Variants in CIT observed in about 807,000 individuals in gnomAD.
CIT encodes the protein citron Rho-interacting kinase.
A neutral mutation model predicts 272.7 loss-of-function variants in CIT; 79 were observed. The ratio of observed to expected loss-of-function variants is 0.29; its 90% confidence interval spans 0.24 to 0.35. CIT has a LOEUF of 0.35. Ranked by LOEUF, CIT falls within the 10% of genes least tolerant of loss-of-function variation. CIT has a pLI of 1.00. For synonymous variants in CIT, 948 were observed against 995.6 expected (o/e 0.95, Z 0.90); for missense variants, 1,909 against 2,618.3 (o/e 0.73, Z 5.91).
intron 5 of CIT, among the ~76,000 whole-genome samples, chr12:119,845,577 T>C (rs1969736031): frequency 6.8e-6 from 1 of 146,110 alleles, no homozygotes; most frequent in Non-Finnish European, 1.5e-5. Context: ...TGCTTGAACC[T>C]AGGAGGTGGA....
At chr12:119,838,599 C>A (rs937227659) in intron 5 of CIT, among the ~76,000 whole-genome samples, 1 of 152,150 alleles carries the variant, frequency 6.6e-6, no homozygotes, top group African/African-American at 2.4e-5. Context: ...GGCTGTGGAA[C>A]CAATATGGCT....
At position 119,819,485 on chromosome 12, in the gene CIT, T is replaced by C. The variant is rs75620130; in HGVS notation, c.1111+3335A>G. ...ACCTTTCTTAAATTGCATTTATATA[T>C]CCTGCCAGGACCACCTCTTGAGATA... On this transcript the variant is annotated intron_variant, in intron 9 of 47. Transcript: ENST00000392521. Among the ~76,000 whole-genome samples the C allele has an allele frequency of 4.3e-3, 659 of 152,342 alleles. 5 individuals are homozygous for C. Among genetic ancestry groups the C allele is most frequent in the African/African-American group, 0.015 (633 of 41,578 alleles).
intron 4 of CIT, among the ~76,000 whole-genome samples, chr12:119,850,931 C>G (rs1483033263): frequency 6.6e-6 from 1 of 152,118 alleles, no homozygotes; most frequent in Non-Finnish European, 1.5e-5. Context: ...CCAACAAAGA[C>G]AGTAGATTGG....
intron 13 of CIT, 90 bp from the exon 14 acceptor site, chr12:119,776,932 G>T: frequency 7.4e-7 from 1 of 1,358,464 alleles, no homozygotes; most frequent in South Asian, 1.2e-5. Context: ...AACCACACAG[G>T]GAAGATGCAC....
intron 26 of CIT, 113 bp from the exon 27 acceptor site, chr12:119,730,743 A>C (rs898048991): frequency 8.0e-6 from 9 of 1,122,856 alleles, no homozygotes; most frequent in African/African-American, 3.1e-5. Context: ...CAGGCCAGAA[A>C]GATGCCCAAC....
intron 46 of CIT, among the ~76,000 whole-genome samples, chr12:119,692,311 A>T (rs1955998508): frequency 6.6e-6 from 1 of 152,240 alleles, no homozygotes; most frequent in East Asian, 1.9e-4. Context: ...AATTAAAACA[A>T]GAAAAGTGTT....
intron 16 of CIT, among the ~76,000 whole-genome samples, chr12:119,774,584 G>GTGTA (rs2137619342): frequency 6.8e-6 from 1 of 146,312 alleles, no homozygotes; most frequent in African/African-American, 2.5e-5. Context: ...GTGTGTGTGT[G>GTGTA]TATACATCAC....
In CIT at chr12:119,690,411, T is replaced by A; in HGVS notation, c.5926A>T (p.Thr1976Ser). 6.3e-7 allele frequency: 1 copy of A among 1,596,198 alleles called. No homozygotes were observed. Among genetic ancestry groups the A allele is most frequent in the Admixed American group, 1.7e-5 (1 of 58,664 alleles). Residue 1976 changes from threonine to serine, a missense_variant, in exon 47 of 48, where the codon ACC becomes TCC. By Grantham distance (58) the Thr-to-Ser change is moderately conservative (BLOSUM62 1). Coordinates refer to ENST00000392521, the MANE Select transcript of CIT (RefSeq NM_001206999.2). This position sits in a 1 kb window ranked among gnomAD's most constrained non-coding sequence, Gnocchi z 6.0. The stretch of plus-strand genomic sequence containing the variant: ...GCTGGGCTGGAGGCCACGCGCTTGG[T>A]GATGTGCTCGTTGTACGTGGGTGGG... ...RGPPTYNEHI[T>S]KRVASSPAPP...
At chr12:119,872,324 T>C (rs1269257369) in intron 2 of CIT, among the ~76,000 whole-genome samples, 1 of 152,166 alleles carries the variant, frequency 6.6e-6, no homozygotes, top group African/African-American at 2.4e-5. Context: ...TGACAATCAC[T>C]GACCTCGAAC....
chr12:119,741,821 T>C (rs1162372847), intron 24 of CIT, among the ~76,000 whole-genome samples: 1 of 152,238 alleles, frequency 6.6e-6, no homozygotes, highest in African/African-American at 2.4e-5. Context: ...GACCCTACTC[T>C]ATTATATAAC....
chr12:119,844,172 C>T (rs1489408310), intron 5 of CIT, among the ~76,000 whole-genome samples: 2 of 151,948 alleles, frequency 1.3e-5, no homozygotes, highest in Non-Finnish European at 2.9e-5. Context: ...CAGGCGCCCA[C>T]CATCATGCCT....
intron 24 of CIT, among the ~76,000 whole-genome samples, chr12:119,737,529 T>A (rs1958843594): frequency 6.6e-6 from 1 of 152,026 alleles, no homozygotes; most frequent in Non-Finnish European, 1.5e-5. Context: ...CTCTTCGTTT[T>A]CTCCCAAAGT....
Position 119,715,285 on chromosome 12 carries a change from G to A in CIT, c.4169-951C>T, listed in dbSNP as rs561516493. Among the ~76,000 whole-genome samples, 4 of 152,194 alleles carry A rather than the reference G, an allele frequency of 2.6e-5. No individual in the cohort carries two copies. In the South Asian group the frequency reaches 8.3e-4, roughly 32 times the overall value. On this transcript the variant is annotated intron_variant, in intron 32 of 47. Transcript: ENST00000392521. ...TGTCTTTATCAGCAGTGTGAAAATG[G>A]ACTAATGAAAATGGATTAATGGATA...
intron 5 of CIT, among the ~76,000 whole-genome samples, chr12:119,847,801 G>A (rs1035951464): frequency 6.6e-6 from 1 of 152,126 alleles, no homozygotes; most frequent in Non-Finnish European, 1.5e-5. Context: ...TGAGGCAAGA[G>A]AATCGCTTGA....
At chr12:119,704,557 G>A in intron 40 of CIT, 102 bp from the exon 41 acceptor site, 1 of 992,046 alleles carries the variant, frequency 1.0e-6, no homozygotes, top group Non-Finnish European at 1.5e-6. Flanking sequence ...TGATGATTCA[G>A]ACCAGATCAT....
rs1955682929 is a variant in CIT, at chr12:119,688,180, T to C, written c.*52A>G. 1.9e-6 allele frequency: 3 copies of C among 1,581,470 alleles called. No individual in the cohort carries two copies. Among genetic ancestry groups the C allele is most frequent in the Non-Finnish European group, 1.7e-6 (2 of 1,150,260 alleles). ...CCCATCAGCAGAGTTCCATAGTGTG[T>C]TTGGTGTTTTCCTGCAGATCAAGAT... On this transcript the variant is annotated 3_prime_UTR_variant, in exon 48 of 48. Coordinates refer to ENST00000392521, the MANE Select transcript of CIT (RefSeq NM_001206999.2).
At chr12:119,823,903 G>A (rs2138052987) in intron 8 of CIT, among the ~76,000 whole-genome samples, 1 of 151,794 alleles carries the variant, frequency 6.6e-6, no homozygotes, top group Non-Finnish European at 1.5e-5. Context: ...AGCCAGGCAT[G>A]GTGGTGGGCA....
chr12:119,689,561 T>A (rs1359209067), intron 47 of CIT, among the ~76,000 whole-genome samples: 1 of 151,834 alleles, frequency 6.6e-6, no homozygotes, highest in African/African-American at 2.4e-5. Flanking sequence ...ACCACTTGCC[T>A]CTGGAGAAGG....
chr12:119,787,730 C>CAAAAAAAAAAAAAAA, intron 10 of CIT, among the ~76,000 whole-genome samples: 1 of 49,078 alleles, frequency 2.0e-5, no homozygotes, highest in Non-Finnish European at 3.5e-5. Flanking sequence ...GACTCCGTCT[C>CAAAAAAAAAAAAAAA]AAAAAAAAAA....
Sources: gnomAD v4.1 joint callset for allele counts (sites outside exome capture counted in the v4.1 genomes callset) on GRCh38, gnomAD v4.1.1 for gene constraint, Gnocchi (gnomAD v3.1) non-coding constraint, MANE v1.5 for transcripts, NCBI Gene and HGNC (gene_info 2026-07-23, HGNC 2026-07-21) for gene names.